Variants in NSUN6 observed in about 807,000 individuals in gnomAD.
NSUN6 encodes the protein NOP2/Sun RNA methyltransferase 6.
A neutral mutation model predicts 58.0 loss-of-function variants in NSUN6; 64 were observed. The observed-to-expected ratio is 1.10, with a 90% CI of 0.90 to 1.36. The LOEUF (loss-of-function observed/expected upper bound fraction) is 1.36. Ranked by LOEUF, NSUN6 falls within the 40% of genes most tolerant of loss-of-function variation. The pLI, the probability that NSUN6 is intolerant of heterozygous loss-of-function variation, is 0.00. For synonymous variants in NSUN6, 231 were observed against 193.9 expected (o/e 1.19, Z -1.59); for missense variants, 701 against 550.1 (o/e 1.27, Z -2.74).
At chr10:18,555,148 T>C (rs1564707279) in intron 8 of NSUN6, among the ~76,000 whole-genome samples, 2 of 144,428 alleles carry the variant, frequency 1.4e-5, no homozygotes, top group East Asian at 2.2e-4. Flanking sequence ...TAATGGAGAA[T>C]GGAATGGAGG....
chr10:18,609,141 T>G (rs903707991), intron 6 of NSUN6, among the ~76,000 whole-genome samples: 3 of 152,024 alleles, frequency 2.0e-5, no homozygotes, highest in African/African-American at 7.3e-5. Context: ...AGACCCCATC[T>G]CTACAAAAAC....
At position 18,563,028 on chromosome 10, in the gene NSUN6, G is replaced by A. The variant is rs534061009; in HGVS notation, c.923-11057C>T. Among the ~76,000 whole-genome samples, 29 of 151,090 alleles carry A rather than the reference G, an allele frequency of 1.9e-4. No homozygotes were observed. The South Asian group carries it at 5.9e-3, about 31-fold the overall frequency. On this transcript the variant is annotated intron_variant, in intron 8 of 10. Transcript: ENST00000377304. ...CAAATGGAGAATGGAATGGAGAATG[G>A]AATAGAATGCTGAATGGAATGGAGA...
chr10:18,648,699 C>G (rs1456224050), intron 1 of NSUN6, 54 bp from the exon 2 acceptor site: 1 of 993,154 alleles, frequency 1.0e-6, no homozygotes, highest in African/African-American at 1.6e-5. Context: ...GTCAGCAGAG[C>G]ATCCTTATAT....
chr10:18,579,883 C>T (rs779133166), intron 8 of NSUN6, among the ~76,000 whole-genome samples: 2 of 152,136 alleles, frequency 1.3e-5, no homozygotes, highest in Non-Finnish European at 2.9e-5. Flanking sequence ...GTGCATTTGT[C>T]TCAGGTGAGC....
intron 7 of NSUN6, among the ~76,000 whole-genome samples, chr10:18,595,046 G>A (rs867789814): frequency 6.6e-6 from 1 of 152,120 alleles, no homozygotes; most frequent in South Asian, 2.1e-4. Context: ...CTTACACATC[G>A]GCCAGAGGCA....
intron 3 of NSUN6, among the ~76,000 whole-genome samples, chr10:18,639,223 G>A (rs374356130): frequency 6.6e-6 from 1 of 152,180 alleles, no homozygotes; most frequent in Non-Finnish European, 1.5e-5. Flanking sequence ...GGCCGGGTGC[G>A]GTGGCTCACA....
chr10:18,571,665 C>T (rs7068575), intron 8 of NSUN6, among the ~76,000 whole-genome samples: 91,535 of 150,124 alleles, frequency 0.61, 28,231 homozygotes, highest in East Asian at 0.96. Context: ...CATTCTCCAT[C>T]CCATTCCAAT....
intron 3 of NSUN6, among the ~76,000 whole-genome samples, chr10:18,638,337 G>T (rs2059283941): frequency 6.6e-6 from 1 of 152,126 alleles, no homozygotes; most frequent in Non-Finnish European, 1.5e-5. Context: ...AACTACTCGG[G>T]AGCATGAGGC....
At chr10:18,635,787 G>A (rs1306322116) in intron 3 of NSUN6, among the ~76,000 whole-genome samples, 4 of 151,618 alleles carry the variant, frequency 2.6e-5, no homozygotes, top group South Asian at 2.1e-4. Context: ...GCAGTGAGCC[G>A]AGATCCTGCC....
At chr10:18,563,866 TATTCCATTCCATTCTCC>T (rs1367661843) in intron 8 of NSUN6, among the ~76,000 whole-genome samples, 1 of 135,554 alleles carries the variant, frequency 7.4e-6, no homozygotes, top group Non-Finnish European at 1.8e-5. Flanking sequence ...TTCCATTCCA[TATTCCATTCCATTCTCC>T]ATTCCATTCC....
chr10:18,646,004 G>A lies in NSUN6; in HGVS notation c.231+2486C>T, dbSNP rs139897554. 2.0e-4 allele frequency among the ~76,000 whole-genome samples: 30 copies of A among 152,112 alleles called. No homozygotes were observed. In the East Asian group the frequency reaches 5.2e-3, roughly 27 times the overall value. On this transcript the variant is annotated intron_variant, in intron 2 of 10. Transcript: ENST00000377304. The stretch of plus-strand genomic sequence containing the variant: ...GAAGTTAGGAGTTCGAGACCAGCCT[G>A]GCCAACATGGTGAAATCCCATCTGT...
intron 6 of NSUN6, among the ~76,000 whole-genome samples, chr10:18,606,210 T>C (rs914952412): frequency 2.0e-5 from 3 of 152,148 alleles, no homozygotes; most frequent in African/African-American, 7.2e-5. Context: ...AAACAGCAGA[T>C]TCCTGTAGGC....
intron 10 of NSUN6, among the ~76,000 whole-genome samples, chr10:18,547,032 T>G (rs1650461558): frequency 6.6e-6 from 1 of 152,304 alleles, no homozygotes; most frequent in East Asian, 1.9e-4. Context: ...AGGTGGTCTT[T>G]GGGCATCTAA....
At chr10:18,567,766 T>C (rs2056072696) in intron 8 of NSUN6, among the ~76,000 whole-genome samples, 1 of 150,564 alleles carries the variant, frequency 6.6e-6, no homozygotes, top group Non-Finnish European at 1.5e-5. Context: ...CTCCATTTCA[T>C]TCCATTCTCC....
intron 3 of NSUN6, among the ~76,000 whole-genome samples, chr10:18,635,843 T>G (rs574748826): frequency 6.6e-6 from 1 of 150,432 alleles, no homozygotes; most frequent in Non-Finnish European, 1.5e-5. Context: ...GTGTTGTTGT[T>G]TTTTGTCGTT....
intron 8 of NSUN6, among the ~76,000 whole-genome samples, chr10:18,556,434 A>G (rs937066232): frequency 2.0e-5 from 3 of 151,314 alleles, no homozygotes; most frequent in Non-Finnish European, 4.4e-5. Flanking sequence ...GGAGAACTGA[A>G]TGGAATGGAA....
At chr10:18,555,586 AAATGGAGTGGAG>A (rs1425635367) in intron 8 of NSUN6, among the ~76,000 whole-genome samples, 35 of 136,840 alleles carry the variant, frequency 2.6e-4, no homozygotes, top group African/African-American at 9.4e-4. Flanking sequence ...GAATGGAATG[AAATGGAGTGGAG>A]AATGGAATGG....
At chr10:18,584,718 C>G (rs1290277136) in intron 8 of NSUN6, among the ~76,000 whole-genome samples, 1 of 152,036 alleles carries the variant, frequency 6.6e-6, no homozygotes, top group Admixed American at 6.6e-5. Context: ...AAAAGATCCA[C>G]AACCAGATAC....
At chr10:18,581,592 C>A (rs1158903360) in intron 8 of NSUN6, among the ~76,000 whole-genome samples, 1 of 152,094 alleles carries the variant, frequency 6.6e-6, no homozygotes, top group South Asian at 2.1e-4. Flanking sequence ...TTTGGGAGGC[C>A]GAGGTGGGCG....
Sources: allele counts gnomAD v4.1 joint callset (sites outside exome capture counted in the v4.1 genomes callset), GRCh38; gene constraint gnomAD v4.1.1; transcripts MANE v1.5; gene names NCBI Gene and HGNC (gene_info 2026-07-23, HGNC 2026-07-21).